The following DNAJC1 variants were observed in gnomAD, a reference collection of about 807,000 sequenced individuals.
DNAJC1 encodes DnaJ heat shock protein family (Hsp40) member C1.
A neutral mutation model predicts 76.6 loss-of-function variants in DNAJC1; 58 were observed. That is an observed-to-expected ratio of 0.76 (90% CI 0.61 to 0.94). DNAJC1 has a LOEUF of 0.94. Among genes scored for constraint, DNAJC1 ranks in the 40% least tolerant of loss-of-function variants. DNAJC1 has a pLI of 0.00. For synonymous variants in DNAJC1, 258 were observed against 267.9 expected (o/e 0.96, Z 0.36); for missense variants, 689 against 677.3 (o/e 1.02, Z -0.19).
chr10:21,765,709 G>C (rs951153747), intron 10 of DNAJC1, among the ~76,000 whole-genome samples: 1 of 152,146 alleles, frequency 6.6e-6, no homozygotes, highest in Non-Finnish European at 1.5e-5. Context: ...GTCAGGTGCA[G>C]TGGCGGGCGC....
chr10:21,980,168 C>T (rs764021784), intron 1 of DNAJC1, among the ~76,000 whole-genome samples: 2 of 152,008 alleles, frequency 1.3e-5, no homozygotes, highest in Non-Finnish European at 2.9e-5. Flanking sequence ...AAAACAGGCA[C>T]AAAATCCAGA....
At chr10:21,978,896 G>A (rs1209243468) in intron 1 of DNAJC1, among the ~76,000 whole-genome samples, 3 of 151,970 alleles carry the variant, frequency 2.0e-5, no homozygotes, top group South Asian at 2.1e-4. Context: ...AGGAAATACC[G>A]ACTCTGGCTA....
chr10:21,899,076 T>C (rs2131739226), intron 7 of DNAJC1, among the ~76,000 whole-genome samples: 1 of 152,170 alleles, frequency 6.6e-6, no homozygotes, highest in African/African-American at 2.4e-5. Flanking sequence ...AGGGAAGCAG[T>C]GAGTGACTGC....
At chr10:21,937,707 T>G (rs550128630) in intron 1 of DNAJC1, among the ~76,000 whole-genome samples, 3 of 152,166 alleles carry the variant, frequency 2.0e-5, no homozygotes, top group Non-Finnish European at 4.4e-5. Flanking sequence ...ATATACCCTA[T>G]TTTAGGCTAT....
chr10:21,814,693 C>T lies in DNAJC1; in HGVS notation c.979-8594G>A, dbSNP rs532058030. ...TGCTTTCATCCTTTCAGGGAGATCTCGCAGAGAAAGATACACTCTTGTATT... is the reference window on the plus strand; with the variant it reads ...TGCTTTCATCCTTTCAGGGAGATCTTGCAGAGAAAGATACACTCTTGTATT... On this transcript the variant is annotated intron_variant, in intron 8 of 11. Coordinates refer to ENST00000376980, the MANE Select transcript of DNAJC1 (RefSeq NM_022365.4). 1.3e-4 allele frequency among the ~76,000 whole-genome samples: 20 copies of T among 152,192 alleles called. 1 individual carries two copies. The highest frequency in any genetic ancestry group is 8.3e-4 in the South Asian group (4 of 4,824).
At chr10:21,756,814 C>T in intron 11 of DNAJC1, 59 bp from the exon 12 acceptor site, 1 of 1,524,140 alleles carries the variant, frequency 6.6e-7, no homozygotes, top group Non-Finnish European at 9.0e-7. Flanking sequence ...GTGTGGTCAT[C>T]ATGTGGCCGG....
At chr10:21,986,846 C>T (rs1471899955) in intron 1 of DNAJC1, among the ~76,000 whole-genome samples, 4 of 152,140 alleles carry the variant, frequency 2.6e-5, no homozygotes, top group Non-Finnish European at 5.9e-5. Flanking sequence ...CAGCTCACTG[C>T]AAACTCCGCC....
chr10:21,822,611 TAAC>T (rs1425672160), intron 8 of DNAJC1, among the ~76,000 whole-genome samples: 1 of 152,072 alleles, frequency 6.6e-6, no homozygotes, highest in Non-Finnish European at 1.5e-5. Context: ...AGTAAGACCT[TAAC>T]AATTTTAGCC....
In DNAJC1 at chr10:21,840,233, T is replaced by A. The variant is rs186211621; in HGVS notation, c.979-34134A>T. 7.0e-3 allele frequency among the ~76,000 whole-genome samples: 1,070 copies of A among 152,288 alleles called. 7 individuals carry two copies. The highest frequency in any genetic ancestry group is 0.012 in the Non-Finnish European group (805 of 68,020). On this transcript the variant is annotated intron_variant, in intron 8 of 11. Coordinates refer to ENST00000376980, the MANE Select transcript of DNAJC1 (RefSeq NM_022365.4). Reference sequence around the variant, plus strand: ...CTCTCACCACTCCTAGTCAACATAGTGCTGGAAGCTCTGGCCAGGGCAATC... The same window carrying A: ...CTCTCACCACTCCTAGTCAACATAGAGCTGGAAGCTCTGGCCAGGGCAATC...
At chr10:21,815,490 G>A (rs1835060036) in intron 8 of DNAJC1, among the ~76,000 whole-genome samples, 1 of 152,130 alleles carries the variant, frequency 6.6e-6, no homozygotes, top group South Asian at 2.1e-4. Context: ...CTCTATCTCT[G>A]ACACAGGAGT....
intron 8 of DNAJC1, among the ~76,000 whole-genome samples, chr10:21,866,281 C>G (rs955807730): frequency 6.6e-6 from 1 of 151,562 alleles, no homozygotes; most frequent in Non-Finnish European, 1.5e-5. Context: ...TACTGTCACA[C>G]TAGAGTTTTT....
At chr10:21,812,832 G>A (rs552614001) in intron 8 of DNAJC1, among the ~76,000 whole-genome samples, 2 of 152,100 alleles carry the variant, frequency 1.3e-5, no homozygotes, top group African/African-American at 4.8e-5. Flanking sequence ...AAACTATGGT[G>A]TTAACTATAC....
rs1838559598 is a variant in DNAJC1 at position 22,003,378 on chromosome 10, C to A, written c.57G>T (p.Leu19=). 2 of 1,389,868 alleles carry A rather than the reference C, an allele frequency of 1.4e-6. No individual in the cohort carries two copies. The highest frequency in any genetic ancestry group is 3.7e-5 in the Admixed American group (1 of 27,198). The allele number at this position is 1,389,868 out of a possible 1,614,324, so 86.1% of individuals were successfully genotyped here. A position where few individuals can be genotyped will look rare whatever the true frequency, so the allele number is the denominator to read the frequency against. The change falls in exon 1 of 12, where the codon CTG becomes CTT. Residue 19 remains leucine, a synonymous_variant. Transcript: ENST00000376980. ...AQLPGRRQLG[L]VPFPPPPPRT... The stretch of plus-strand genomic sequence containing the variant: ...GCGGCGGCGGCGGCGGGAACGGCAC[C>A]AGCCCGAGCTGGCGGCGTCCAGGAA...
In DNAJC1 at chr10:21,849,201, G is replaced by A. The variant is rs1332996791; in HGVS notation, c.978+33081C>T. 4.9e-5 allele frequency among the ~76,000 whole-genome samples: 7 copies of A among 141,786 alleles called. No homozygotes were observed. The Admixed American group carries it at 5.4e-4, about 11-fold the overall frequency. The allele number at this position is 141,786 out of a possible 152,430, so 93.0% of individuals were successfully genotyped here. A position where few individuals can be genotyped will look rare whatever the true frequency, so the allele number is the denominator to read the frequency against. ...CCAGCTACTCAGGAGGCTGAGGCAA[G>A]AGAATCATTTGAACCCAGAAGTCAG... is the stretch of plus-strand genomic sequence containing the variant. On this transcript the variant is annotated intron_variant, in intron 8 of 11. Transcript: ENST00000376980.
chr10:21,813,501 T>C (rs932583593), intron 8 of DNAJC1, among the ~76,000 whole-genome samples: 1 of 151,516 alleles, frequency 6.6e-6, no homozygotes, highest in Non-Finnish European at 1.5e-5. Context: ...GTTCACACCA[T>C]TCTCCTGCCT....
chr10:21,972,503 GACAA>G (rs577483322), intron 1 of DNAJC1, among the ~76,000 whole-genome samples: 30 of 151,990 alleles, frequency 2.0e-4, no homozygotes, highest in South Asian at 1.2e-3. Flanking sequence ...CACATTTGAA[GACAA>G]ACAGAGTTTG....
chr10:21,874,287 G>A (rs957600261), intron 8 of DNAJC1, among the ~76,000 whole-genome samples: 18 of 152,088 alleles, frequency 1.2e-4, no homozygotes, highest in African/African-American at 2.2e-4. Flanking sequence ...GGTGGCACAC[G>A]TGTGTAGTCC....
intron 1 of DNAJC1, among the ~76,000 whole-genome samples, chr10:21,934,555 A>T (rs1837281295): frequency 2.0e-5 from 3 of 152,284 alleles, no homozygotes; most frequent in Admixed American, 2.0e-4. Flanking sequence ...AATACCCTAT[A>T]CAAGTACATT....
In DNAJC1 at chr10:21,759,323, G is replaced by A. The variant is rs745982215; in HGVS notation, c.1443C>T (p.Asp481=). ...FDIAEQNESS[D]EESLRKERAR... Reference sequence around the variant, plus strand: ...CTCTCTCTTTTCTCAGGCTCTCCTCGTCGCTGGACTCGTTTTGTTCTGCTA... The same window carrying A: ...CTCTCTCTTTTCTCAGGCTCTCCTCATCGCTGGACTCGTTTTGTTCTGCTA... Residue 481 remains aspartate (D), a synonymous_variant, in exon 11 of 12, where the codon GAC becomes GAT. Coordinates refer to ENST00000376980, the MANE Select transcript of DNAJC1 (RefSeq NM_022365.4). 8.7e-6 allele frequency: 14 copies of A among 1,614,042 alleles called. No individual in the cohort carries two copies. Among genetic ancestry groups the A allele is most frequent in the Middle Eastern group, 1.6e-4 (1 of 6,084 alleles).
Sources: gnomAD v4.1 joint callset for allele counts (sites outside exome capture counted in the v4.1 genomes callset) on GRCh38, gnomAD v4.1.1 for gene constraint, MANE v1.5 for transcripts, NCBI Gene and HGNC (gene_info 2026-07-23, HGNC 2026-07-21) for gene names.